NYAP2: variants seen among roughly 807,000 people sequenced by gnomAD.
NYAP2 encodes the protein neuronal tyrosine-phosphorylated phosphoinositide-3-kinase adaptor 2, also known as neuronal tyrosine-phosphorylated phosphoinositide-3-kinase adapter 2.
Under a neutral mutation model 50.4 loss-of-function variants are expected in NYAP2, and 23 were observed. That is an observed-to-expected ratio of 0.46 (90% CI 0.33 to 0.65). The LOEUF (loss-of-function observed/expected upper bound fraction) is 0.65. NYAP2 is among the 30% of genes least tolerant of loss of function. The probability of loss-of-function intolerance (pLI) is 0.02; values close to 1 mark genes in which losing one functional copy is unlikely to be tolerated. For synonymous variants in NYAP2, 394 were observed against 365.2 expected (o/e 1.08, Z -0.90); for missense variants, 885 against 861.0 (o/e 1.03, Z -0.35).
At chr2:225,554,934 A>G (rs1234569904) in intron 4 of NYAP2, among the ~76,000 whole-genome samples, 2 of 152,132 alleles carry the variant, frequency 1.3e-5, no homozygotes, top group Admixed American at 1.3e-4. Context: ...TTTATAAATA[A>G]AAAATAACAG....
At chr2:225,641,868 T>C (rs1192232529) in intron 6 of NYAP2, among the ~76,000 whole-genome samples, 1 of 152,038 alleles carries the variant, frequency 6.6e-6, no homozygotes, top group Non-Finnish European at 1.5e-5. Flanking sequence ...TTTTTTTTTT[T>C]CTGGAAACAT....
intron 5 of NYAP2, among the ~76,000 whole-genome samples, chr2:225,606,392 A>G (rs182851587): frequency 3.3e-5 from 5 of 152,280 alleles, no homozygotes; most frequent in African/African-American, 1.2e-4. Flanking sequence ...ATTTCTAATA[A>G]AATGTGGTAA....
intron 6 of NYAP2, among the ~76,000 whole-genome samples, chr2:225,639,875 G>A (rs1281310467): frequency 3.3e-5 from 5 of 152,112 alleles, no homozygotes; most frequent in East Asian, 1.9e-4. Flanking sequence ...GAGCTCTCAA[G>A]GTGAGTTAGG....
chr2:225,492,695 T>C (rs866756168), intron 3 of NYAP2, among the ~76,000 whole-genome samples: 14 of 152,126 alleles, frequency 9.2e-5, no homozygotes, highest in African/African-American at 3.1e-4. Flanking sequence ...TGTTTACTCA[T>C]GGTGGAAGGC....
chr2:225,567,692 G>C (rs1438911565), intron 4 of NYAP2, among the ~76,000 whole-genome samples: 2 of 152,058 alleles, frequency 1.3e-5, no homozygotes, highest in Admixed American at 1.3e-4. Context: ...TGAAAGGATG[G>C]GAAGGGTCTT....
the NYAP2 span, among the ~76,000 whole-genome samples, chr2:225,697,670 A>C: frequency 2.0e-5 from 3 of 152,018 alleles, no homozygotes; most frequent in Non-Finnish European, 4.4e-5. Flanking sequence ...AAGACAATGG[A>C]GCCAACATAA....
intron 4 of NYAP2, among the ~76,000 whole-genome samples, chr2:225,566,952 C>T (rs77281950): frequency 0.028 from 4,321 of 151,950 alleles, 208 homozygotes; most frequent in African/African-American, 0.098. Context: ...TTTGCATATA[C>T]AGTCATGCAT....
downstream of NYAP2, among the ~76,000 whole-genome samples, chr2:225,658,438 C>T (rs1049138741): frequency 3.9e-5 from 6 of 152,060 alleles, no homozygotes; most frequent in African/African-American, 1.4e-4. Context: ...AATTATGCTA[C>T]AAAGAAATTA....
intron 3 of NYAP2, among the ~76,000 whole-genome samples, chr2:225,417,258 T>A (rs972426830): frequency 2.0e-5 from 3 of 152,150 alleles, no homozygotes; most frequent in African/African-American, 7.2e-5. Flanking sequence ...CTGAGCATGC[T>A]AATAAAATTG....
intron 4 of NYAP2, among the ~76,000 whole-genome samples, chr2:225,565,052 C>T (rs1691939133): frequency 6.6e-6 from 1 of 151,862 alleles, no homozygotes; most frequent in East Asian, 1.9e-4. Flanking sequence ...ATTGCTTGTA[C>T]CTTGTGGGGC....
the NYAP2 span, among the ~76,000 whole-genome samples, chr2:225,685,953 A>C: frequency 6.6e-6 from 1 of 152,146 alleles, no homozygotes; most frequent in African/African-American, 2.4e-5. Context: ...TTACAAATCA[A>C]GTCTTTTTCA....
the NYAP2 span, among the ~76,000 whole-genome samples, chr2:225,677,694 CTGTT>C: frequency 0.076 from 11,526 of 152,048 alleles, 490 homozygotes; most frequent in East Asian, 0.24. Flanking sequence ...GTTTCTGATT[CTGTT>C]TGTGTGGTGA....
chr2:225,545,394 T>C (rs1691555789), intron 4 of NYAP2, among the ~76,000 whole-genome samples: 2 of 152,128 alleles, frequency 1.3e-5, no homozygotes, highest in South Asian at 4.1e-4. Flanking sequence ...TTATTTTGTC[T>C]CCTCTGACCA....
intron 4 of NYAP2, among the ~76,000 whole-genome samples, chr2:225,568,784 TAGA>T (rs1381956946): frequency 6.6e-6 from 1 of 152,172 alleles, no homozygotes; most frequent in Non-Finnish European, 1.5e-5. Flanking sequence ...TGGATGTGCA[TAGA>T]AGACTTCTTT....
intron 3 of NYAP2, among the ~76,000 whole-genome samples, chr2:225,466,097 G>A (rs1357059108): frequency 6.6e-6 from 1 of 152,160 alleles, no homozygotes; most frequent in East Asian, 1.9e-4. Flanking sequence ...GCAACTCCTG[G>A]AGAAGCCCGA....
chr2:225,555,880 T>C (rs1362765925), intron 4 of NYAP2, among the ~76,000 whole-genome samples: 1 of 152,192 alleles, frequency 6.6e-6, no homozygotes, highest in Non-Finnish European at 1.5e-5. Context: ...CTTTGGGCAT[T>C]GAACATCTAA....
chr2:225,617,461 A>G (rs1002723664), intron 5 of NYAP2, among the ~76,000 whole-genome samples: 1 of 152,166 alleles, frequency 6.6e-6, no homozygotes, highest in African/African-American at 2.4e-5. Context: ...AACAGCAGTC[A>G]TGAACCACAC....
intron 6 of NYAP2, among the ~76,000 whole-genome samples, chr2:225,643,699 T>A (rs1216755889): frequency 6.6e-6 from 1 of 151,874 alleles, no homozygotes; most frequent in East Asian, 1.9e-4. Flanking sequence ...CGGTGTTTGG[T>A]TTTTTGTTCT....
chr2:225,593,912 A>C (rs2106237207), intron 5 of NYAP2, among the ~76,000 whole-genome samples: 1 of 152,366 alleles, frequency 6.6e-6, no homozygotes, highest in Non-Finnish European at 1.5e-5. Context: ...TCAGCAAAAA[A>C]GCAGCTATGC....
Sources: gnomAD v4.1 joint callset for allele counts (sites outside exome capture counted in the v4.1 genomes callset) on GRCh38, gnomAD v4.1.1 for gene constraint, MANE v1.5 for transcripts, NCBI Gene and HGNC (gene_info 2026-07-23, HGNC 2026-07-21) for gene names.